The following ICA1 variants were observed in gnomAD, a reference collection of about 807,000 sequenced individuals.
The protein encoded by ICA1 is islet cell autoantigen 1, also known as 69 kDa islet cell autoantigen.
Under a neutral mutation model 71.0 loss-of-function variants are expected in ICA1, and 40 were observed. The ratio of observed to expected loss-of-function variants is 0.56; its 90% confidence interval spans 0.44 to 0.73. The LOEUF (loss-of-function observed/expected upper bound fraction) is 0.73, where lower values mean the gene tolerates loss of function less well. ICA1 is among the 30% of genes least tolerant of loss of function. The pLI is 0.00. For missense variants in ICA1, 578 were observed against 576.5 expected, an observed-to-expected ratio of 1.00 and a Z score of -0.03; for synonymous variants, 207 against 209.5, an observed-to-expected ratio of 0.99 and a Z score of 0.10.
rs370438579 is a variant in ICA1, at chr7:8,144,649, T to TA, written c.805-678dup. On this transcript the variant is annotated intron_variant, in intron 8 of 13. Transcript: ENST00000402384. This position sits in a 1 kb window ranked among gnomAD's most constrained non-coding sequence, Gnocchi z 4.5. ...AACTAAATATTTAAGTTTTTTTTTT[T>TA]AAACAGCAAGTGCCTAGAAACTGTA... 6.6e-6 allele frequency among the ~76,000 whole-genome samples: 1 copy of TA among 151,518 alleles called. No homozygotes were observed. Among genetic ancestry groups the TA allele is most frequent in the Non-Finnish European group, 1.5e-5 (1 of 67,872 alleles).
chr7:8,153,028 T>C (rs546696586), intron 8 of ICA1, among the ~76,000 whole-genome samples: 60 of 151,610 alleles, frequency 4.0e-4, no homozygotes, highest in African/African-American at 1.4e-3. Context: ...TTCACCTCCT[T>C]TGTCACCACC....
Position 8,222,808 on chromosome 7 carries a change from G to A in ICA1, c.257-1410C>T, listed in dbSNP as rs1056217318. ...TGAAGCAATTGATCCCTATTTCTCC[G>A]GACAGCAGTGCTCTCTGGGCACCTG... is the stretch of plus-strand genomic sequence containing the variant. On this transcript the variant is annotated intron_variant, in intron 4 of 13. Transcript: ENST00000402384. This position sits in a 1 kb window ranked among gnomAD's most constrained non-coding sequence, Gnocchi z 4.8. Among the ~76,000 whole-genome samples the A allele has an allele frequency of 6.6e-6, 1 of 152,096 alleles. No homozygotes were observed. The highest frequency in any genetic ancestry group is 2.4e-5 in the African/African-American group (1 of 41,432).
At chr7:8,206,796 C>T (rs1380305254) in intron 6 of ICA1, among the ~76,000 whole-genome samples, 1 of 151,264 alleles carries the variant, frequency 6.6e-6, no homozygotes, top group African/African-American at 2.4e-5. Flanking sequence ...TTTTGCCCCA[C>T]TATTTTCTCA....
intron 1 of ICA1, among the ~76,000 whole-genome samples, chr7:8,260,771 T>C (rs1235229169): frequency 6.6e-6 from 1 of 152,248 alleles, no homozygotes; most frequent in African/African-American, 2.4e-5. Context: ...GAAAACTTAC[T>C]TAAAAGCATT....
intron 6 of ICA1, among the ~76,000 whole-genome samples, chr7:8,191,481 T>C (rs764019455): frequency 6.6e-6 from 1 of 152,206 alleles, no homozygotes; most frequent in Non-Finnish European, 1.5e-5. Context: ...CACTGTAGTA[T>C]AGTATAGGTT....
intron 13 of ICA1, among the ~76,000 whole-genome samples, chr7:8,118,988 T>TAAGTAAAAGTTTGGG (rs1337990917): frequency 1.3e-5 from 2 of 152,208 alleles, no homozygotes; most frequent in African/African-American, 4.8e-5. Context: ...GATTGTTATG[T>TAAGTAAAAGTTTGGG]AAGTAAAAGT....
chr7:8,238,199 T>A (rs1384295280), intron 1 of ICA1, among the ~76,000 whole-genome samples: 2 of 152,202 alleles, frequency 1.3e-5, no homozygotes, highest in African/African-American at 4.8e-5. Context: ...GTTCTCTACT[T>A]AATTTTTTGA....
intron 6 of ICA1, among the ~76,000 whole-genome samples, chr7:8,212,733 G>A (rs1794211007): frequency 6.6e-6 from 1 of 152,152 alleles, no homozygotes; most frequent in Non-Finnish European, 1.5e-5. Flanking sequence ...CTGACTCTGA[G>A]GTCACGCTCC....
chr7:8,180,394 T>C (rs1781845587), intron 6 of ICA1, among the ~76,000 whole-genome samples: 1 of 152,188 alleles, frequency 6.6e-6, no homozygotes, highest in Non-Finnish European at 1.5e-5. Flanking sequence ...TCCTATTGAA[T>C]GAATGGTACC....
intron 9 of ICA1, among the ~76,000 whole-genome samples, chr7:8,143,374 T>C (rs1398942218): frequency 1.3e-5 from 2 of 152,222 alleles, no homozygotes; most frequent in Non-Finnish European, 2.9e-5. Context: ...AAACAGACAT[T>C]CTGCATGGTA....
intron 10 of ICA1, among the ~76,000 whole-genome samples, chr7:8,141,507 C>T (rs542567226): frequency 1.3e-5 from 2 of 152,320 alleles, no homozygotes; most frequent in South Asian, 2.1e-4. Context: ...ATCGTGGCTG[C>T]CCCTCTGAAG....
intron 5 of ICA1, among the ~76,000 whole-genome samples, chr7:8,220,732 G>A (rs1300016687): frequency 1.3e-5 from 2 of 152,082 alleles, no homozygotes; most frequent in African/African-American, 2.4e-5. Context: ...AAACAACAGC[G>A]GTCTAGTTAA....
chr7:8,206,181 G>T (rs574370996), intron 6 of ICA1, among the ~76,000 whole-genome samples: 1 of 152,034 alleles, frequency 6.6e-6, no homozygotes, highest in Non-Finnish European at 1.5e-5. Context: ...AGTTCTCCTA[G>T]AACAGTGGAG....
chr7:8,150,042 TA>T (rs1234129660), intron 8 of ICA1, among the ~76,000 whole-genome samples: 9 of 152,192 alleles, frequency 5.9e-5, no homozygotes, highest in Non-Finnish European at 1.3e-4. Context: ...TTGTACTGTA[TA>T]AAAAAGTAAA....
At chr7:8,205,097 CG>C (rs1238058497) in intron 6 of ICA1, among the ~76,000 whole-genome samples, 7 of 139,338 alleles carry the variant, frequency 5.0e-5, no homozygotes, top group South Asian at 4.5e-4. Flanking sequence ...AAAAAAAAGG[CG>C]GGGGGGTGGG....
intron 6 of ICA1, among the ~76,000 whole-genome samples, chr7:8,165,901 C>T (rs1336817185): frequency 6.6e-6 from 1 of 152,140 alleles, no homozygotes; most frequent in Admixed American, 6.5e-5. Context: ...ATTCCATGCT[C>T]ATGGATAGGA....
chr7:8,219,490 C>T (rs1211805961), intron 5 of ICA1, among the ~76,000 whole-genome samples: 1 of 152,208 alleles, frequency 6.6e-6, no homozygotes, highest in Non-Finnish European at 1.5e-5. Flanking sequence ...ACAAATGGTG[C>T]AATGAACTAT....
Position 8,158,513 on chromosome 7 carries a change from C to T in ICA1, c.705+14G>A. On this transcript the variant is annotated intron_variant, in intron 7 of 13. Transcript: ENST00000402384. ...GCCATCCTTGGTTCATTGCAACAAA[C>T]ATTATTTTGTTACCTGGTATGTTGC... 1 of 1,613,308 alleles carries T rather than the reference C, an allele frequency of 6.2e-7. No homozygotes were observed. Among genetic ancestry groups the T allele is most frequent in the Non-Finnish European group, 8.5e-7 (1 of 1,179,640 alleles).
rs535354786 is a variant in ICA1, at chr7:8,173,827, C to T, written c.580-15175G>A. ...CCTCCTCCCAAGCAATATAATTGAACACCTATAGCTCTCGGTGCTGGAGAT... is the reference window on the plus strand; with the variant it reads ...CCTCCTCCCAAGCAATATAATTGAATACCTATAGCTCTCGGTGCTGGAGAT... On this transcript the variant is annotated intron_variant, in intron 6 of 13. Coordinates refer to ENST00000402384, the MANE Select transcript of ICA1 (RefSeq NM_001136020.3). The surrounding 1 kb of genome is among the most constrained non-coding windows in gnomAD (Gnocchi z 4.0). Among the ~76,000 whole-genome samples the T allele has an allele frequency of 3.3e-5, 5 of 152,146 alleles. No individual in the cohort carries two copies. Among genetic ancestry groups the T allele is most frequent in the Admixed American group, 2.6e-4 (4 of 15,282 alleles).
Sources: gnomAD v4.1 joint callset for allele counts (sites outside exome capture counted in the v4.1 genomes callset) on GRCh38, gnomAD v4.1.1 for gene constraint, Gnocchi (gnomAD v3.1) non-coding constraint, MANE v1.5 for transcripts, NCBI Gene and HGNC (gene_info 2026-07-23, HGNC 2026-07-21) for gene names.